RUNX3: variants seen among roughly 807,000 people sequenced by gnomAD.
RUNX3 encodes the protein runt-related transcription factor 3.
Under a neutral mutation model 27.7 loss-of-function variants are expected in RUNX3, and 10 were observed. The ratio of observed to expected loss-of-function variants is 0.36; its 90% CI spans 0.22 to 0.61. The LOEUF is 0.61. Ranked by LOEUF, RUNX3 falls within the 20% of genes least tolerant of loss-of-function variation. The pLI is 0.72. For missense variants in RUNX3, 469 were observed against 629.5 expected, an observed-to-expected ratio of 0.75 and a Z score of 2.73; for synonymous variants, 270 against 269.2, an observed-to-expected ratio of 1.00 and a Z score of -0.03.
chr1:24,949,370 G>GC (rs1206773299), intron 2 of RUNX3, among the ~76,000 whole-genome samples: 11 of 152,062 alleles, frequency 7.2e-5, no homozygotes, highest in Non-Finnish European at 1.6e-4. Flanking sequence ...GCCATGCCCC[G>GC]CCCCCCGTGA....
intron 2 of RUNX3, among the ~76,000 whole-genome samples, chr1:24,926,742 G>A (rs1571322329): frequency 6.6e-6 from 1 of 152,194 alleles, no homozygotes; most frequent in Non-Finnish European, 1.5e-5. Flanking sequence ...AACAAAGCTA[G>A]AGGCGGGCCT....
chr1:24,902,725 T>C lies in RUNX3; in HGVS notation c.704-59A>G, dbSNP rs1474718422. ...TCGAGACAACCCCAGGAGGGCTTCC[T>C]GAAGAATGACCTTGGGCTCTGGTTC... On this transcript the variant is annotated intron_variant, in intron 4 of 4. Transcript: ENST00000308873. This position sits in a 1 kb window ranked among gnomAD's most constrained non-coding sequence, Gnocchi z 9.2. 4.2e-6 allele frequency: 6 copies of C among 1,413,358 alleles called. No homozygotes were observed. The African/African-American group carries it at 7.2e-5, about 17-fold the overall frequency. 87.6% of individuals were successfully genotyped at this position (1,413,358 alleles called of 1,614,324 possible).
intron 2 of RUNX3, among the ~76,000 whole-genome samples, chr1:24,940,292 C>T (rs991466902): frequency 5.3e-5 from 8 of 152,156 alleles, no homozygotes; most frequent in East Asian, 3.9e-4. Context: ...GTGTCTCAAA[C>T]GCTCAGCTCA....
chr1:24,924,428 GT>G (rs34349689), intron 2 of RUNX3, among the ~76,000 whole-genome samples: 2 of 151,086 alleles, frequency 1.3e-5, no homozygotes, highest in East Asian at 1.9e-4. Flanking sequence ...TAAAACAAGG[GT>G]TTTTTTTGTA....
intron 4 of RUNX3, among the ~76,000 whole-genome samples, chr1:24,906,583 G>C (rs1640668612): frequency 6.6e-6 from 1 of 152,140 alleles, no homozygotes; most frequent in South Asian, 2.1e-4. Flanking sequence ...CGATACTCCA[G>C]AAGACCTGCC....
chr1:24,914,663 G>C (rs371151899), intron 3 of RUNX3, among the ~76,000 whole-genome samples: 2 of 152,154 alleles, frequency 1.3e-5, no homozygotes, highest in East Asian at 3.9e-4. Context: ...CTGCTGGGCA[G>C]ACTCCGCTAG....
At chr1:24,934,492 T>TCCACGCTCCCCTGAGCCTTGGTCC (rs1641301281), upstream of RUNX3, among the ~76,000 whole-genome samples, 1 of 152,178 alleles carries the variant, frequency 6.6e-6, no homozygotes, top group Non-Finnish European at 1.5e-5. Context: ...TTGCCTGGTG[T>TCCACGCTCCCCTGAGCCTTGGTCC]CCACGCTCCC....
chr1:24,929,478 G>A (rs557066023), intron 1 of RUNX3, 109 bp downstream of exon 1: 61 of 1,134,980 alleles, frequency 5.4e-5, no homozygotes, highest in Admixed American at 2.0e-4. Context: ...GTGTCGCCGC[G>A]GCGTCTCGGG....
intron 2 of RUNX3, among the ~76,000 whole-genome samples, chr1:24,940,418 T>C (rs1415998428): frequency 1.3e-5 from 2 of 152,210 alleles, no homozygotes; most frequent in Non-Finnish European, 2.9e-5. Context: ...CTGCATGACC[T>C]TGGCCCTCTC....
At chr1:24,948,886 T>TATG (rs1193589499) in intron 2 of RUNX3, among the ~76,000 whole-genome samples, 2 of 152,054 alleles carry the variant, frequency 1.3e-5, no homozygotes, top group Non-Finnish European at 2.9e-5. Context: ...GACCTCCTCT[T>TATG]ATGATTGTCT....
intron 2 of RUNX3, among the ~76,000 whole-genome samples, chr1:24,949,632 A>G (rs1265236475): frequency 6.6e-6 from 1 of 152,258 alleles, no homozygotes; most frequent in Non-Finnish European, 1.5e-5. Context: ...TGCACTCTGC[A>G]GTGGCCTCTG....
At chr1:24,906,658 G>A (rs1169782667) in intron 4 of RUNX3, among the ~76,000 whole-genome samples, 4 of 152,192 alleles carry the variant, frequency 2.6e-5, no homozygotes, top group Non-Finnish European at 5.9e-5. Flanking sequence ...ACCCCAGCTC[G>A]GTCTTCCCTT....
intron 2 of RUNX3, among the ~76,000 whole-genome samples, chr1:24,957,893 C>A (rs1023458893): frequency 2.0e-5 from 3 of 152,238 alleles, no homozygotes; most frequent in African/African-American, 7.2e-5. Context: ...GGCTTATAGC[C>A]GCATTTTACA....
intron 2 of RUNX3, among the ~76,000 whole-genome samples, chr1:24,935,585 G>A (rs564830642): frequency 6.6e-6 from 1 of 152,190 alleles, no homozygotes; most frequent in Non-Finnish European, 1.5e-5. Flanking sequence ...CGTCTCCATC[G>A]GTTACCAGGG....
intron 2 of RUNX3, among the ~76,000 whole-genome samples, chr1:24,959,941 C>G (rs560559335): frequency 6.6e-6 from 1 of 152,324 alleles, no homozygotes; most frequent in Admixed American, 6.5e-5. Context: ...TGCTTCCACA[C>G]CTTTGCCCAG....
chr1:24,907,211 C>T (rs1640680864), intron 4 of RUNX3, 48 bp downstream of exon 4: 1 of 1,581,988 alleles, frequency 6.3e-7, no homozygotes, highest in African/African-American at 1.3e-5. Context: ...ACATCGAGGC[C>T]CTCCACCCCC....
chr1:24,951,631 G>A (rs1273947191), intron 2 of RUNX3, among the ~76,000 whole-genome samples: 1 of 152,134 alleles, frequency 6.6e-6, no homozygotes, highest in Admixed American at 6.5e-5. Context: ...CAAGCTCGTG[G>A]GGGCACCACC....
At chr1:24,937,729 A>G (rs898007606) in intron 2 of RUNX3, among the ~76,000 whole-genome samples, 6 of 152,248 alleles carry the variant, frequency 3.9e-5, no homozygotes, top group Admixed American at 2.0e-4. Flanking sequence ...CTGAGGCCAG[A>G]GAAGTGAAGG....
At chr1:24,911,187 A>G (rs998419609) in intron 3 of RUNX3, among the ~76,000 whole-genome samples, 4 of 152,266 alleles carry the variant, frequency 2.6e-5, no homozygotes, top group African/African-American at 9.6e-5. Flanking sequence ...CGTGGGGACC[A>G]CAGACTGATC....
Sources: gnomAD v4.1 joint callset for allele counts (sites outside exome capture counted in the v4.1 genomes callset) on GRCh38, gnomAD v4.1.1 for gene constraint, Gnocchi (gnomAD v3.1) non-coding constraint, MANE v1.5 for transcripts, NCBI Gene and HGNC (gene_info 2026-07-23, HGNC 2026-07-21) for gene names.